Variants in PMFBP1 observed in about 807,000 individuals in gnomAD.
PMFBP1 encodes the protein polyamine modulated factor 1 binding protein 1, also known as polyamine-modulated factor 1-binding protein 1.
PMFBP1 carries 131 observed loss-of-function variants against 137.8 expected under a neutral mutation model. The observed-to-expected ratio is 0.95, with a 90% CI of 0.82 to 1.10. The LOEUF (loss-of-function observed/expected upper bound fraction) is 1.10, where lower values mean the gene tolerates loss of function less well. Ranked by LOEUF, PMFBP1 falls within the 50% of genes least tolerant of loss-of-function variation. The probability of loss-of-function intolerance (pLI) is 0.00; values close to 1 mark genes in which losing one functional copy is unlikely to be tolerated. For synonymous variants in PMFBP1, 490 were observed against 450.4 expected, an observed-to-expected ratio of 1.09 and a Z score of -1.11; for missense variants, 1,199 against 1,175.4, an observed-to-expected ratio of 1.02 and a Z score of -0.29.
At position 72,164,836 on chromosome 16, in the gene PMFBP1, A is replaced by G. The variant is rs1308389342; in HGVS notation, c.93T>C (p.Asp31=). 1.2e-6 allele frequency: 2 copies of G among 1,610,378 alleles called. No homozygotes were observed. Among genetic ancestry groups the G allele is most frequent in the Admixed American group, 1.7e-5 (1 of 59,958 alleles). Residue 31 remains aspartate, a synonymous_variant, in exon 3 of 21, where the codon GAT becomes GAC. Coordinates refer to ENST00000237353, the MANE Select transcript of PMFBP1 (RefSeq NM_031293.3). The part of the protein sequence containing the change: ...SLQLDIKNLH[D]VCKRQRKTLQ... ...AGGTCTTCCTCTGTCTCTTGCAGAC[A>G]TCGTGCAGATTCTTGATGTCAAGTT...
At chr16:72,186,336 A>G in the PMFBP1 span, among the ~76,000 whole-genome samples, 2 of 152,196 alleles carry the variant, frequency 1.3e-5, no homozygotes, top group Admixed American at 6.5e-5. Context: ...ATCACTTTCT[A>G]TTCAAATAAT....
upstream of PMFBP1, among the ~76,000 whole-genome samples, chr16:72,178,896 A>T (rs1049775286): frequency 1.3e-5 from 2 of 152,228 alleles, no homozygotes; most frequent in African/African-American, 4.8e-5. Flanking sequence ...GGTTATGGGG[A>T]TTAAATAAAT....
intron 3 of PMFBP1, among the ~76,000 whole-genome samples, chr16:72,161,804 C>T (rs2043066635): frequency 6.6e-6 from 1 of 152,122 alleles, no homozygotes; most frequent in African/African-American, 2.4e-5. Context: ...TTTCACATTG[C>T]ATTTAGAAGA....
chr16:72,224,082 A>C, the PMFBP1 span, among the ~76,000 whole-genome samples: 1 of 152,184 alleles, frequency 6.6e-6, no homozygotes, highest in African/African-American at 2.4e-5. Flanking sequence ...AGTGATAAAA[A>C]TAAAGCCAAC....
intron 5 of PMFBP1, among the ~76,000 whole-genome samples, chr16:72,144,948 C>T (rs1430469730): frequency 6.6e-6 from 1 of 152,142 alleles, no homozygotes; most frequent in Non-Finnish European, 1.5e-5. Flanking sequence ...TTTAACACTC[C>T]ACTGTCAATA....
chr16:72,202,807 G>C, the PMFBP1 span, among the ~76,000 whole-genome samples: 2 of 152,242 alleles, frequency 1.3e-5, no homozygotes, highest in East Asian at 3.9e-4. Flanking sequence ...CAAATTGCTC[G>C]GTTGACAATC....
Position 72,120,066 on chromosome 16 carries a change from T to G in PMFBP1, c.2792A>C (p.His931Pro). 1 of 1,614,200 alleles carries G rather than the reference T, an allele frequency of 6.2e-7. No individual in the cohort carries two copies. The highest frequency in any genetic ancestry group is 8.5e-7 in the Non-Finnish European group (1 of 1,180,032). ...EKDHLHSVMV[H>P]LQQENKKLKK... ...CAGCTTCTTGTTTTCCTGCTGCAAG[T>G]GGACCATTACACTGTGGAGGTGGCT... is the stretch of plus-strand genomic sequence containing the variant. The change falls in exon 20 of 21, where the codon CAC (histidine) becomes CCC (proline). Residue 931 changes from histidine (H) to proline (P), a missense_variant. Coordinates refer to ENST00000237353, the MANE Select transcript of PMFBP1 (RefSeq NM_031293.3).
the PMFBP1 span, among the ~76,000 whole-genome samples, chr16:72,221,680 T>A: frequency 6.6e-6 from 1 of 152,170 alleles, no homozygotes; most frequent in Non-Finnish European, 1.5e-5. Flanking sequence ...ATGTTTAAAC[T>A]CTTCTGACCA....
At chr16:72,192,004 T>C in the PMFBP1 span, among the ~76,000 whole-genome samples, 3 of 152,246 alleles carry the variant, frequency 2.0e-5, no homozygotes, top group Non-Finnish European at 4.4e-5. Context: ...ATCAAATGCG[T>C]GTGTGTGATC....
At chr16:72,201,054 C>T in the PMFBP1 span, among the ~76,000 whole-genome samples, 1 of 152,176 alleles carries the variant, frequency 6.6e-6, no homozygotes, top group Non-Finnish European at 1.5e-5. Context: ...CTGAATAACT[C>T]CTTGTTCCCA....
the PMFBP1 span, among the ~76,000 whole-genome samples, chr16:72,246,482 A>G: frequency 2.0e-5 from 3 of 151,974 alleles, no homozygotes; most frequent in Non-Finnish European, 2.9e-5. Flanking sequence ...CTCACCTGCC[A>G]TTTCAGTCAC....
the PMFBP1 span, among the ~76,000 whole-genome samples, chr16:72,225,981 T>A: frequency 6.9e-6 from 1 of 145,876 alleles, no homozygotes; most frequent in African/African-American, 2.7e-5. Context: ...TGAGCAACAG[T>A]CTTCAGAAGC....
At chr16:72,145,816 C>G (rs544095769) in intron 5 of PMFBP1, among the ~76,000 whole-genome samples, 4 of 152,130 alleles carry the variant, frequency 2.6e-5, no homozygotes, top group Admixed American at 6.5e-5. Flanking sequence ...TACACCCTCC[C>G]AAAACTAAAC....
chr16:72,210,741 C>T, the PMFBP1 span, among the ~76,000 whole-genome samples: 1 of 152,216 alleles, frequency 6.6e-6, no homozygotes, highest in African/African-American at 2.4e-5. Flanking sequence ...CAATTTCCCT[C>T]CCACGGCTAC....
chr16:72,125,124 G>A (rs1343992359), intron 16 of PMFBP1, 114 bp downstream of exon 16: 1 of 1,440,352 alleles, frequency 6.9e-7, no homozygotes, highest in African/African-American at 1.4e-5. Flanking sequence ...CCAAGAAAGT[G>A]GAGGGAACCT....
At chr16:72,234,281 C>T in the PMFBP1 span, among the ~76,000 whole-genome samples, 1 of 152,146 alleles carries the variant, frequency 6.6e-6, no homozygotes, top group Non-Finnish European at 1.5e-5. Context: ...ATGGAGAGAA[C>T]AAATCATCCG....
chr16:72,126,124 A>C lies in PMFBP1; in HGVS notation c.2097T>G (p.Leu699=), dbSNP rs767575720. 6.8e-6 allele frequency: 11 copies of C among 1,613,924 alleles called. No individual in the cohort carries two copies. Among genetic ancestry groups the C allele is most frequent in the Non-Finnish European group, 8.5e-6 (10 of 1,179,920 alleles). The part of the protein sequence containing the change: ...VIQDLNKEIA[L]QKESLMSLQA... The stretch of plus-strand genomic sequence containing the variant: ...GCAGGCTCATTAAGGACTCCTTCTG[A>C]AGGGCTATCTTTAAGGAGGGAGAGC... Residue 699 remains leucine, a synonymous_variant, in exon 15 of 21, where the codon CTT becomes CTG. Transcript: ENST00000237353.
At chr16:72,156,207 G>A (rs1009620731) in intron 3 of PMFBP1, among the ~76,000 whole-genome samples, 2 of 152,028 alleles carry the variant, frequency 1.3e-5, no homozygotes, top group African/African-American at 2.4e-5. Flanking sequence ...AGTTGGTCTC[G>A]AACTCCTAAG....
At chr16:72,153,475 C>T (rs980845337) in intron 4 of PMFBP1, among the ~76,000 whole-genome samples, 5 of 152,030 alleles carry the variant, frequency 3.3e-5, no homozygotes, top group African/African-American at 1.2e-4. Context: ...CCAGGGGAAA[C>T]CCCAGGATGG....
Sources: gnomAD v4.1 joint callset for allele counts (sites outside exome capture counted in the v4.1 genomes callset) on GRCh38, gnomAD v4.1.1 for gene constraint, MANE v1.5 for transcripts, NCBI Gene and HGNC (gene_info 2026-07-23, HGNC 2026-07-21) for gene names.